The following ABCA8 variants were observed in gnomAD, a reference collection of about 807,000 sequenced individuals.
ABCA8 encodes the protein ATP binding cassette subfamily A member 8, also known as ABC-type organic anion transporter ABCA8.
Under a neutral mutation model 192.3 loss-of-function variants are expected in ABCA8, and 177 were observed. That is an observed-to-expected ratio of 0.92 (90% confidence interval 0.81 to 1.04). The LOEUF (loss-of-function observed/expected upper bound fraction) is 1.04. ABCA8 is among the 50% of genes least tolerant of loss of function. The pLI is 0.00. For synonymous variants in ABCA8, 642 were observed against 690.2 expected, an observed-to-expected ratio of 0.93 and a Z score of 1.09; for missense variants, 1,915 against 1,904.8, an observed-to-expected ratio of 1.01 and a Z score of -0.10.
intron 19 of ABCA8, among the ~76,000 whole-genome samples, chr17:68,904,295 AATAATAATAATAATAATAAT>A (rs2067004457): frequency 2.6e-4 from 1 of 3,818 alleles, no homozygotes; most frequent in Non-Finnish European, 4.4e-4. Context: ...AAAAAGAAAT[AATAATAATAATAATAATAAT>A]AATAATAATA....
chr17:68,907,716 T>C (rs373944137), intron 18 of ABCA8, 24 bp downstream of exon 18: 26 of 1,542,980 alleles, frequency 1.7e-5, no homozygotes, highest in Middle Eastern at 2.1e-4. Context: ...ACATATTTTA[T>C]TTCACAGTGT....
chr17:68,886,031 G>A (rs1187724336), intron 26 of ABCA8, among the ~76,000 whole-genome samples: 1 of 152,152 alleles, frequency 6.6e-6, no homozygotes, highest in East Asian at 1.9e-4. Context: ...AATGGCTTAA[G>A]CAGAAGTACT....
intron 28 of ABCA8, 46 bp downstream of exon 28, chr17:68,884,285 A>T: frequency 6.7e-7 from 1 of 1,485,578 alleles, no homozygotes; most frequent in Middle Eastern, 2.3e-4. Context: ...GAAAATTATT[A>T]AATTTAGTAA....
At chr17:68,922,060 G>GA (rs555009673) in intron 12 of ABCA8, among the ~76,000 whole-genome samples, 182 bp downstream of exon 12, 28 of 150,590 alleles carry the variant, frequency 1.9e-4, no homozygotes, top group African/African-American at 5.6e-4. Context: ...CAATACATTA[G>GA]AAAAAAAAGT....
In ABCA8 at chr17:68,929,151, C is replaced by G. The variant is rs528902825; in HGVS notation, c.1023G>C (p.Trp341Cys). The change falls in exon 9 of 40, where the codon TGG becomes TGC. Residue 341 changes from tryptophan (W) to cysteine (C), a missense_variant. Transcript: ENST00000586539. Reference sequence around the variant, plus strand: ...ACAGTGATGTGAACCCCAGACACCCCCAAAAGACAGTGAGGAGGAACACGA... The same window carrying G: ...ACAGTGATGTGAACCCCAGACACCCGCAAAAGACAGTGAGGAGGAACACGA... Reference protein sequence around the residue: ...GLVVFLLTVFWGCLGFTSLYR... With the variant: ...GLVVFLLTVFCGCLGFTSLYR... 9.2e-5 allele frequency: 148 copies of G among 1,611,196 alleles called. No homozygotes were observed. Among genetic ancestry groups the G allele is most frequent in the Non-Finnish European group, 1.2e-4 (145 of 1,178,412 alleles).
intron 24 of ABCA8, among the ~76,000 whole-genome samples, chr17:68,890,866 T>C (rs35892953): frequency 1.7e-4 from 26 of 152,220 alleles, no homozygotes; most frequent in Non-Finnish European, 3.1e-4. Context: ...AGCTTTTAAC[T>C]TTGATGAAGT....
chr17:68,902,903 A>G, intron 20 of ABCA8, 24 bp from the exon 21 acceptor site: 1 of 1,592,506 alleles, frequency 6.3e-7, no homozygotes, highest in Non-Finnish European at 8.6e-7. Context: ...AATTGCCAAA[A>G]TGAATGCAAT....
At chr17:68,926,244 T>C (rs530955960) in intron 10 of ABCA8, among the ~76,000 whole-genome samples, 9 of 152,240 alleles carry the variant, frequency 5.9e-5, no homozygotes, top group African/African-American at 1.9e-4. Context: ...AGGATACTAA[T>C]AAGCAATTGT....
intron 17 of ABCA8, among the ~76,000 whole-genome samples, chr17:68,916,516 T>A (rs1041851235): frequency 1.3e-5 from 2 of 152,206 alleles, no homozygotes; most frequent in Non-Finnish European, 2.9e-5. Context: ...ACCTACTATA[T>A]ACCCTTTAAA....
At chr17:68,946,538 T>C (rs1017489608) in intron 2 of ABCA8, among the ~76,000 whole-genome samples, 1 of 152,212 alleles carries the variant, frequency 6.6e-6, no homozygotes, top group African/African-American at 2.4e-5. Context: ...TTTTCCCTTC[T>C]GATAGGTAGA....
At chr17:68,898,394 GTAGAA>G (rs1312643517) in intron 21 of ABCA8, among the ~76,000 whole-genome samples, 4 of 152,106 alleles carry the variant, frequency 2.6e-5, no homozygotes, top group African/African-American at 7.2e-5. Flanking sequence ...AATGATGAAG[GTAGAA>G]TAGAACTTTT....
chr17:68,896,397 T>C, intron 21 of ABCA8, among the ~76,000 whole-genome samples: 1 of 152,220 alleles, frequency 6.6e-6, no homozygotes, highest in East Asian at 1.9e-4. Flanking sequence ...TGGTTTCACT[T>C]TCTGCAGTTT....
chr17:68,943,332 C>T (rs1023170549), intron 2 of ABCA8, among the ~76,000 whole-genome samples: 1 of 152,112 alleles, frequency 6.6e-6, no homozygotes, highest in African/African-American at 2.4e-5. Context: ...AATACACACA[C>T]GTATTTCCAT....
chr17:68,954,201 A>C (rs1458495508), intron 1 of ABCA8, among the ~76,000 whole-genome samples: 7 of 82,192 alleles, frequency 8.5e-5, no homozygotes, highest in Admixed American at 6.8e-4. Flanking sequence ...CCCACCCCAC[A>C]ACAGTCCCCA....
At chr17:68,905,634 C>G (rs2067045905) in intron 19 of ABCA8, among the ~76,000 whole-genome samples, 1 of 152,014 alleles carries the variant, frequency 6.6e-6, no homozygotes, top group African/African-American at 2.4e-5. Flanking sequence ...AAACCTGACA[C>G]CAGAGAATCT....
intron 17 of ABCA8, among the ~76,000 whole-genome samples, chr17:68,909,656 A>G (rs1336110069): frequency 6.6e-6 from 1 of 152,026 alleles, no homozygotes; most frequent in East Asian, 1.9e-4. Context: ...AGATAGTTTA[A>G]TTAATTTCCA....
Position 68,887,395 on chromosome 17 carries a change from A to C in ABCA8, c.3256T>G (p.Leu1086Val). Residue 1086 changes from leucine (L) to valine (V), a missense_variant, in exon 25 of 40, where the codon TTA (leucine) becomes GTA (valine). Leu to Val is a conservative substitution (Grantham distance 32). Coordinates refer to ENST00000586539, the MANE Select transcript of ABCA8 (RefSeq NM_001288985.2). ...LYFLVFVFIY[L>V]MSYISNFEDM... ...TCGAAGTTTGAAATGTAGCTCATTA[A>C]ATATATAAAAACGAAGACCAAGAAG... The C allele has an allele frequency of 6.2e-7, 1 of 1,613,074 alleles. No individual in the cohort carries two copies. Among genetic ancestry groups the C allele is most frequent in the Admixed American group, 1.7e-5 (1 of 59,960 alleles).
chr17:68,935,230 G>A (rs914342582), intron 5 of ABCA8, among the ~76,000 whole-genome samples: 3 of 149,132 alleles, frequency 2.0e-5, no homozygotes, highest in African/African-American at 7.6e-5. Flanking sequence ...GAGTAGCTGG[G>A]ACTACAGGCA....
chr17:68,941,309 T>A (rs935442449), intron 3 of ABCA8, among the ~76,000 whole-genome samples: 1 of 152,096 alleles, frequency 6.6e-6, no homozygotes, highest in South Asian at 2.1e-4. Context: ...CAATAAGAAA[T>A]CACTTTATTT....
Sources: gnomAD v4.1 joint callset for allele counts (sites outside exome capture counted in the v4.1 genomes callset) on GRCh38, gnomAD v4.1.1 for gene constraint, MANE v1.5 for transcripts, NCBI Gene and HGNC (gene_info 2026-07-23, HGNC 2026-07-21) for gene names.